The following AARSD1 variants were observed in gnomAD, a reference collection of about 807,000 sequenced individuals.
The protein encoded by AARSD1 is alanyl-tRNA synthetase domain containing 1.
In AARSD1, 44 loss-of-function variants were observed where a neutral mutation model predicts 48.7. The observed-to-expected ratio is 0.90, with a 90% CI of 0.71 to 1.16. The LOEUF (loss-of-function observed/expected upper bound fraction) is 1.16. Among genes scored for constraint, AARSD1 ranks in the 50% most tolerant of loss-of-function variants. AARSD1 has a pLI of 0.00. For synonymous variants in AARSD1, 189 were observed against 194.9 expected (o/e 0.97, Z 0.25); for missense variants, 511 against 523.1 (o/e 0.98, Z 0.23).
rs546318636 is a variant in AARSD1, at chr17:42,964,408, G to T, written c.33C>A (p.Ala11=). MAFWCQRDSY[A]REFTTTVVSC... is the part of the protein sequence containing the mutation. ...CCTCGCCGTGACGCCGTACCTCTCG[G>T]GCATAACTGTCACGCTGACACCAGA... Residue 11 remains alanine, a synonymous_variant, in exon 1 of 12, where the codon GCC becomes GCA. Transcript: ENST00000427569. The T allele has an allele frequency of 5.2e-6, 8 of 1,551,444 alleles. No homozygotes were observed. Among genetic ancestry groups the T allele is most frequent in the Middle Eastern group, 1.7e-4 (1 of 5,864 alleles).
At chr17:42,954,274 T>G (rs556705557) in intron 9 of AARSD1, among the ~76,000 whole-genome samples, 3 of 152,108 alleles carry the variant, frequency 2.0e-5, no homozygotes, top group African/African-American at 7.2e-5. Flanking sequence ...GAGAACCGCT[T>G]GGACCCAGGA....
Position 42,955,054 on chromosome 17 carries a change from T to A in AARSD1, c.862-87A>T. 1.9e-6 allele frequency: 3 copies of A among 1,610,940 alleles called. No individual in the cohort carries two copies. The East Asian group carries it at 6.7e-5, about 36-fold the overall frequency. ...TCCCTCCACCTCATTCTCCCCTCAC[T>A]CCCACTTTGACAAACTACACATCTG... On this transcript the variant is annotated intron_variant, in intron 8 of 11. Transcript: ENST00000427569.
At position 42,955,908 on chromosome 17, in the gene AARSD1, CCAGA is replaced by C; in HGVS notation, c.724_727del (p.Ser242GlyfsTer5). On this transcript the variant is annotated frameshift_variant, in exon 7 of 12. Transcript: ENST00000427569. LOFTEE classifies it high-confidence loss of function. ...CTCCATCCACTTCAGCACCCGGTTC[CCAGA>C]CAGAAATATCAGGTTGGTTCTGTTC... 2.5e-6 allele frequency: 4 copies of C among 1,614,100 alleles called. No individual in the cohort carries two copies. The highest frequency in any genetic ancestry group is 3.4e-6 in the Non-Finnish European group (4 of 1,180,008).
Position 42,961,181 on chromosome 17 carries a change from C to G in AARSD1, c.331+11G>C. The G allele has an allele frequency of 6.2e-7, 1 of 1,604,976 alleles. No homozygotes were observed. The highest frequency in any genetic ancestry group is 8.5e-7 in the Non-Finnish European group (1 of 1,173,800). On this transcript the variant is annotated intron_variant, in intron 3 of 11. Transcript: ENST00000427569. ...CTGCTCCGGTGTTATGTCCCCCATC[C>G]CAGCCTTTACCTGAATGCTGCTGCA...
chr17:42,960,974 A>C, intron 3 of AARSD1: 1 of 712,294 alleles, frequency 1.4e-6, no homozygotes. Flanking sequence ...AGTTGATAAT[A>C]CCTAAATCCA....
At chr17:42,959,458 G>A (rs575506335) in intron 3 of AARSD1, among the ~76,000 whole-genome samples, 1 of 151,560 alleles carries the variant, frequency 6.6e-6, no homozygotes, top group African/African-American at 2.4e-5. Flanking sequence ...TCAAATGCCT[G>A]ACCTCATGAT....
chr17:42,961,034 TA>T, intron 3 of AARSD1, 157 bp downstream of exon 3: 3 of 1,242,268 alleles, frequency 2.4e-6, no homozygotes, highest in Non-Finnish European at 3.2e-6. Context: ...GTTGCTGTTA[TA>T]ACATTTAGGA....
chr17:42,960,632 G>T (rs1436355757), intron 3 of AARSD1, among the ~76,000 whole-genome samples: 1 of 149,322 alleles, frequency 6.7e-6, no homozygotes, highest in Non-Finnish European at 1.5e-5. Context: ...TGAGGCAGGA[G>T]AATCGCTTGA....
chr17:42,952,151 C>T (rs2049488367), intron 10 of AARSD1: 1 of 477,530 alleles, frequency 2.1e-6, no homozygotes. Context: ...CAGAAAATGC[C>T]TTTCATGGTT....
chr17:42,952,346 T>A (rs2049490562), intron 10 of AARSD1, among the ~76,000 whole-genome samples: 1 of 152,166 alleles, frequency 6.6e-6, no homozygotes, highest in South Asian at 2.1e-4. Context: ...CTAGCATTCA[T>A]CACTCTATCA....
chr17:42,960,061 G>C (rs905571885), intron 3 of AARSD1, among the ~76,000 whole-genome samples: 3 of 151,772 alleles, frequency 2.0e-5, no homozygotes, highest in Admixed American at 6.6e-5. Context: ...ACGAGGTCTG[G>C]AGTTCGAGAC....
At chr17:42,956,053 G>A in intron 6 of AARSD1, 81 bp from the exon 7 acceptor site, 1 of 1,610,022 alleles carries the variant, frequency 6.2e-7, no homozygotes, top group Non-Finnish European at 8.5e-7. Flanking sequence ...CTGAAGGCAG[G>A]AGAAACCTAT....
chr17:42,954,343 A>G (rs1028146834), intron 9 of AARSD1, among the ~76,000 whole-genome samples: 5 of 152,114 alleles, frequency 3.3e-5, no homozygotes, highest in Admixed American at 1.3e-4. Context: ...CTAAGACTCC[A>G]TCTCAAAAAA....
chr17:42,954,534 A>G (rs1436707207), intron 9 of AARSD1, among the ~76,000 whole-genome samples: 1 of 151,848 alleles, frequency 6.6e-6, no homozygotes, highest in African/African-American at 2.4e-5. Context: ...TCCCGGGTTC[A>G]AGTGATTCTC....
At chr17:42,955,484 G>C in intron 7 of AARSD1, 1 of 464,768 alleles carries the variant, frequency 2.2e-6, no homozygotes, top group Non-Finnish European at 3.8e-6. Flanking sequence ...TATCGCCCAG[G>C]CTGGAGTGCA....
At position 42,950,665 on chromosome 17, in the gene AARSD1, G is replaced by C; in HGVS notation, c.1167C>G (p.Thr389=). The change falls in exon 12 of 12, where the codon ACC becomes ACG. Residue 389 remains threonine (T), a synonymous_variant. Coordinates refer to ENST00000427569, the MANE Select transcript of AARSD1 (RefSeq NM_001261434.2). ...GCGCCTCCATCCGCCGGCTCATCTT[G>C]GTGGCCTTGCCCTGAAAACGGCCTT... The part of the protein sequence containing the change: ...GKKGRFQGKA[T]KMSRRMEAQA... 2 of 1,614,030 alleles carry C rather than the reference G, an allele frequency of 1.2e-6. No homozygotes were observed. The highest frequency in any genetic ancestry group is 1.7e-6 in the Non-Finnish European group (2 of 1,179,996).
chr17:42,955,977 A>G lies in AARSD1; in HGVS notation c.664-5T>C, dbSNP rs1283256572. The G allele has an allele frequency of 2.5e-6, 4 of 1,614,032 alleles. No individual in the cohort carries two copies. The African/African-American group carries it at 4.0e-5, about 16-fold the overall frequency. ...AGTGCCCAGAATCTTAATGACCTAC[A>G]TGAGGCAAGGGGGTAACACACACAC... is the stretch of plus-strand genomic sequence containing the variant. On this transcript the variant is annotated splice_region_variant and splice_polypyrimidine_tract_variant and intron_variant, in intron 6 of 11. Transcript: ENST00000427569.
chr17:42,961,454 A>C, intron 2 of AARSD1, 103 bp from the exon 3 acceptor site: 1 of 1,537,860 alleles, frequency 6.5e-7, no homozygotes, highest in African/African-American at 1.4e-5. Context: ...TGGGCTCCCT[A>C]AGGGAGAGGG....
At chr17:42,953,695 C>CG in intron 10 of AARSD1, 29 bp downstream of exon 10, 1 of 1,614,076 alleles carries the variant, frequency 6.2e-7, no homozygotes, top group South Asian at 1.1e-5. Context: ...CTATCCAGGC[C>CG]GGGGTAGAGA....
Sources: allele counts gnomAD v4.1 joint callset (sites outside exome capture counted in the v4.1 genomes callset), GRCh38; gene constraint gnomAD v4.1.1; transcripts MANE v1.5; gene names NCBI Gene and HGNC (gene_info 2026-07-23, HGNC 2026-07-21).